CHSY3: variants seen among roughly 807,000 people sequenced by gnomAD.
CHSY3 encodes the protein chondroitin sulfate synthase 3.
In CHSY3, 35 loss-of-function variants were observed where a neutral mutation model predicts 67.2. The observed-to-expected ratio is 0.52, with a 90% CI of 0.40 to 0.69. The LOEUF (loss-of-function observed/expected upper bound fraction) is 0.69, where lower values mean the gene tolerates loss of function less well. Ranked by LOEUF, CHSY3 falls within the 30% of genes least tolerant of loss-of-function variation. The pLI is 0.00. For missense variants in CHSY3, 1,069 were observed against 1,138.5 expected (o/e 0.94, Z 0.88); for synonymous variants, 474 against 434.7 (o/e 1.09, Z -1.12).
rs773028238 is a variant in CHSY3 at position 130,185,399 on chromosome 5, A to G, written c.2257A>G (p.Lys753Glu). Reference sequence around the variant, plus strand: ...CATCATCTTTAGCCAGTATGACCCAAAGGTAACAAACGGGGGAAATCCTCC... The same window carrying G: ...CATCATCTTTAGCCAGTATGACCCAGAGGTAACAAACGGGGGAAATCCTCC... ...YPIIFSQYDP[K>E]VTNGGNPPTD... Residue 753 changes from lysine (K) to glutamate (E), a missense_variant, in exon 3 of 3, where the codon AAG (lysine) becomes GAG (glutamate). Coordinates refer to ENST00000305031, the MANE Select transcript of CHSY3 (RefSeq NM_175856.5). 1 of 1,613,034 alleles carries G rather than the reference A, an allele frequency of 6.2e-7. No individual in the cohort carries two copies. Among genetic ancestry groups the G allele is most frequent in the Non-Finnish European group, 8.5e-7 (1 of 1,178,994 alleles).
Position 130,184,734 on chromosome 5 carries a change from C to A in CHSY3, c.1592C>A (p.Pro531His), listed in dbSNP as rs1770361170. Residue 531 changes from proline to histidine, a missense_variant, in exon 3 of 3, where the codon CCC (proline) becomes CAC (histidine). This residue lies in a region of CHSY3 where 401 missense variants were observed against 395.2 expected (regional missense o/e 1.01). Coordinates refer to ENST00000305031, the MANE Select transcript of CHSY3 (RefSeq NM_175856.5). ...EIQYGYRRVNPMHGVEYILDL... is the reference protein window; with the variant it reads ...EIQYGYRRVNHMHGVEYILDL... ...CAGTATGGCTACCGCAGAGTTAACCCCATGCACGGGGTGGAGTACATTTTG... is the reference window on the plus strand; with the variant it reads ...CAGTATGGCTACCGCAGAGTTAACCACATGCACGGGGTGGAGTACATTTTG... The A allele has an allele frequency of 6.2e-7, 1 of 1,605,960 alleles. No homozygotes were observed. The highest frequency in any genetic ancestry group is 1.1e-5 in the South Asian group (1 of 90,924).
intron 2 of CHSY3, among the ~76,000 whole-genome samples, chr5:130,057,063 A>G (rs562325010): frequency 6.6e-6 from 1 of 150,916 alleles, no homozygotes; most frequent in African/African-American, 2.4e-5. Context: ...AGCTGGGACT[A>G]CAGGCGCCCA....
chr5:129,935,810 A>G (rs919924257), intron 2 of CHSY3, among the ~76,000 whole-genome samples: 2 of 152,208 alleles, frequency 1.3e-5, no homozygotes, highest in Non-Finnish European at 2.9e-5. Context: ...TGGCTCATAA[A>G]TCACCAGCTG....
At chr5:130,144,152 G>A (rs966343070) in intron 2 of CHSY3, among the ~76,000 whole-genome samples, 2 of 151,192 alleles carry the variant, frequency 1.3e-5, no homozygotes, top group Non-Finnish European at 2.9e-5. Context: ...AAATTCACAA[G>A]TATTTCCATG....
chr5:129,918,838 T>G (rs1432781932), intron 2 of CHSY3, among the ~76,000 whole-genome samples: 187 of 149,264 alleles, frequency 1.3e-3, no homozygotes, highest in African/African-American at 4.4e-3. Context: ...CCGGGCGCGG[T>G]GGCTCACGCC....
intron 2 of CHSY3, among the ~76,000 whole-genome samples, chr5:130,138,998 T>C (rs1211920354): frequency 6.6e-6 from 1 of 152,190 alleles, no homozygotes; most frequent in Non-Finnish European, 1.5e-5. Flanking sequence ...ACTACATACA[T>C]AGGCTATATG....
chr5:130,109,005 C>G (rs1455778354), intron 2 of CHSY3, among the ~76,000 whole-genome samples: 1 of 151,586 alleles, frequency 6.6e-6, no homozygotes, highest in Non-Finnish European at 1.5e-5. Flanking sequence ...ATGAAGCCCT[C>G]AAGTTTCTTA....
In CHSY3 at chr5:129,905,509, C is replaced by A; in HGVS notation, c.680C>A (p.Pro227Gln). ...CCACCCCTGCCTGTCATCGCGCTAC[C>A]GGGTGTGGACGACTCCTATCCTCCC... ...PPPPLPVIAL[P>Q]GVDDSYPPQK... Residue 227 changes from proline to glutamine, a missense_variant, in exon 1 of 3, where the codon CCG (proline) becomes CAG (glutamine). Around this residue, in one of 5 missense-constraint regions of CHSY3, gnomAD observed 216 missense variants for 311.5 expected, o/e 0.69. Coordinates refer to ENST00000305031, the MANE Select transcript of CHSY3 (RefSeq NM_175856.5). The A allele has an allele frequency of 6.2e-7, 1 of 1,613,300 alleles. No individual in the cohort carries two copies. Among genetic ancestry groups the A allele is most frequent in the Non-Finnish European group, 8.5e-7 (1 of 1,180,032 alleles).
chr5:130,078,064 G>C (rs905342982), intron 2 of CHSY3, among the ~76,000 whole-genome samples: 1 of 151,900 alleles, frequency 6.6e-6, no homozygotes, highest in Admixed American at 6.6e-5. Flanking sequence ...TCCATTTTAT[G>C]GATAAGAAAA....
At chr5:130,162,543 A>G (rs759527347) in intron 2 of CHSY3, among the ~76,000 whole-genome samples, 1 of 151,984 alleles carries the variant, frequency 6.6e-6, no homozygotes, top group Non-Finnish European at 1.5e-5. Context: ...TTATTTATTG[A>G]CTTATTTAAG....
chr5:129,988,725 A>G (rs1025478643), intron 2 of CHSY3, among the ~76,000 whole-genome samples: 31 of 152,228 alleles, frequency 2.0e-4, no homozygotes, highest in African/African-American at 6.8e-4. Context: ...AGTCAAAGAT[A>G]TAATCATGTG....
chr5:130,089,175 G>C (rs1239363053), intron 2 of CHSY3, among the ~76,000 whole-genome samples: 2 of 133,466 alleles, frequency 1.5e-5, no homozygotes, highest in African/African-American at 2.8e-5. Context: ...TGAAGAGTGA[G>C]AACACATGGA....
intron 2 of CHSY3, among the ~76,000 whole-genome samples, chr5:130,026,159 C>G (rs545924438): frequency 6.6e-6 from 1 of 152,238 alleles, no homozygotes; most frequent in South Asian, 2.1e-4. Flanking sequence ...TTTCTGATCT[C>G]TGCAGCCCAC....
chr5:129,913,592 T>A (rs1172496065), intron 2 of CHSY3, among the ~76,000 whole-genome samples: 4 of 152,214 alleles, frequency 2.6e-5, no homozygotes, highest in African/African-American at 9.6e-5. Flanking sequence ...AGATCACTTA[T>A]ATTCAATTCA....
In CHSY3 at chr5:129,932,439, A is replaced by G. The variant is rs114611033; in HGVS notation, c.1086+24079A>G. ...GAGTCCACTGATTTAAATGTTAATTATGTCTTTGAAAATACATTTACAGCC... is the reference window on the plus strand; with the variant it reads ...GAGTCCACTGATTTAAATGTTAATTGTGTCTTTGAAAATACATTTACAGCC... On this transcript the variant is annotated intron_variant, in intron 2 of 2. Coordinates refer to ENST00000305031, the MANE Select transcript of CHSY3 (RefSeq NM_175856.5). Among the ~76,000 whole-genome samples the G allele has an allele frequency of 4.1e-3, 628 of 152,272 alleles. 5 individuals carry two copies. Among genetic ancestry groups the G allele is most frequent in the African/African-American group, 0.014 (596 of 41,552 alleles).
At chr5:130,143,810 GTATATATATATATATATATATATA>G (rs61284287) in intron 2 of CHSY3, among the ~76,000 whole-genome samples, 35 of 56,478 alleles carry the variant, frequency 6.2e-4, no homozygotes, top group African/African-American at 2.3e-3. Context: ...ATATATGTGT[GTATATATATATATATATATATATA>G]TATATATATA....
rs150601245 is a variant in CHSY3, at chr5:130,054,912, G to C, written c.1087-129317G>C. ...TTTCTGATCCTACCTAATGTAGTCA[G>C]CCACCTGGGGAATTTACTACTCCAG... On this transcript the variant is annotated intron_variant, in intron 2 of 2. Coordinates refer to ENST00000305031, the MANE Select transcript of CHSY3 (RefSeq NM_175856.5). Among the ~76,000 whole-genome samples, 4 of 152,224 alleles carry C rather than the reference G, an allele frequency of 2.6e-5. No homozygotes were observed. In the East Asian group the frequency reaches 7.7e-4, roughly 29 times the overall value.
chr5:129,946,970 G>T (rs1348788683), intron 2 of CHSY3, among the ~76,000 whole-genome samples: 1 of 152,116 alleles, frequency 6.6e-6, no homozygotes, highest in Admixed American at 6.5e-5. Flanking sequence ...TATGGTAGTT[G>T]TATTTTTAAT....
chr5:130,072,644 G>T, intron 2 of CHSY3, among the ~76,000 whole-genome samples: 1 of 151,894 alleles, frequency 6.6e-6, no homozygotes. Context: ...GGCTATTTGG[G>T]GTCATTTGTG....
Sources: gnomAD v4.1 joint callset for allele counts (sites outside exome capture counted in the v4.1 genomes callset) on GRCh38, gnomAD v4.1.1 for gene constraint, gnomAD v4.1.1 regional missense constraint, MANE v1.5 for transcripts, NCBI Gene and HGNC (gene_info 2026-07-23, HGNC 2026-07-21) for gene names.